The following DPH6 variants were observed in gnomAD, a reference collection of about 807,000 sequenced individuals.
DPH6 encodes the protein diphthamine biosynthesis 6, also known as diphthine--ammonia ligase.
DPH6 carries 33 observed loss-of-function variants against 38.2 expected under a neutral mutation model. The ratio of observed to expected loss-of-function variants is 0.86; its 90% CI spans 0.65 to 1.15. DPH6 has a LOEUF of 1.15. DPH6 is among the 50% of genes most tolerant of loss of function. DPH6 has a pLI of 0.00. For missense variants in DPH6, 325 were observed against 320.0 expected, an observed-to-expected ratio of 1.02 and a Z score of -0.12; for synonymous variants, 108 against 103.0, an observed-to-expected ratio of 1.05 and a Z score of -0.30.
chr15:35,422,526 A>G (rs570881589), intron 5 of DPH6, among the ~76,000 whole-genome samples: 3 of 152,094 alleles, frequency 2.0e-5, no homozygotes, highest in African/African-American at 7.2e-5. Flanking sequence ...CAATCAAGCA[A>G]ATTAACATAC....
intron 3 of DPH6, among the ~76,000 whole-genome samples, chr15:35,477,599 T>C (rs1156718031): frequency 1.4e-4 from 22 of 151,814 alleles, no homozygotes; most frequent in Admixed American, 1.4e-3. Flanking sequence ...CAGTACCCAG[T>C]GATTTCATTC....
chr15:35,355,084 T>A (rs1422268914), intron 3 of DPH6, among the ~76,000 whole-genome samples: 1 of 152,222 alleles, frequency 6.6e-6, no homozygotes, highest in Non-Finnish European at 1.5e-5. Context: ...TAAAGTCTGT[T>A]TTATCATAGA....
At chr15:35,413,775 T>C (rs2053400333) in intron 5 of DPH6, among the ~76,000 whole-genome samples, 2 of 151,702 alleles carry the variant, frequency 1.3e-5, no homozygotes. Flanking sequence ...TGGCTGGACC[T>C]GTTTCTACCA....
intron 6 of DPH6, among the ~76,000 whole-genome samples, chr15:35,385,788 T>C (rs961927123): frequency 2.6e-5 from 4 of 152,184 alleles, no homozygotes; most frequent in African/African-American, 9.7e-5. Flanking sequence ...GCAATATGAT[T>C]TCCTCAAAAA....
chr15:35,223,468 C>T (rs1468675344), intron 3 of DPH6, among the ~76,000 whole-genome samples: 2 of 152,106 alleles, frequency 1.3e-5, no homozygotes, highest in Non-Finnish European at 2.9e-5. Flanking sequence ...TGGTGGATCA[C>T]GAGGTCAGGA....
chr15:35,410,702 T>C lies in DPH6; in HGVS notation c.567+133A>G, dbSNP rs1595539824. 3 of 700,196 alleles carry C rather than the reference T, an allele frequency of 4.3e-6. No individual in the cohort carries two copies. The East Asian group carries it at 1.0e-4, about 24-fold the overall frequency. The allele number at this position is 700,196 out of a possible 1,614,324, so 43.4% of individuals were successfully genotyped here. ...ATTTTCATTTCCATTTGAAGTTTAATTTTTTCATAAATATATTATGAATGT... is the reference window on the plus strand; with the variant it reads ...ATTTTCATTTCCATTTGAAGTTTAACTTTTTCATAAATATATTATGAATGT... On this transcript the variant is annotated intron_variant, in intron 6 of 8. Coordinates refer to ENST00000256538, the MANE Select transcript of DPH6 (RefSeq NM_080650.4).
chr15:35,151,590 C>T, the DPH6 span, among the ~76,000 whole-genome samples: 2 of 152,220 alleles, frequency 1.3e-5, no homozygotes, highest in African/African-American at 2.4e-5. Flanking sequence ...CACATCCCAG[C>T]GACGTGCACT....
intron 3 of DPH6, among the ~76,000 whole-genome samples, chr15:35,238,608 T>C (rs1030060608): frequency 1.5e-4 from 23 of 152,232 alleles, no homozygotes; most frequent in Admixed American, 1.3e-4. Context: ...ATGTTGCCTA[T>C]GCAATTCCGT....
chr15:35,305,835 G>A (rs1160197258), intron 3 of DPH6, among the ~76,000 whole-genome samples: 1 of 152,100 alleles, frequency 6.6e-6, no homozygotes, highest in African/African-American at 2.4e-5. Context: ...GACCTCAAGG[G>A]TCAAAAAGCT....
At chr15:35,447,952 TA>T (rs1379067732) in intron 5 of DPH6, among the ~76,000 whole-genome samples, 1 of 152,240 alleles carries the variant, frequency 6.6e-6, no homozygotes, top group Non-Finnish European at 1.5e-5. Flanking sequence ...CACCATCATT[TA>T]ACTGAACAAA....
downstream of DPH6, among the ~76,000 whole-genome samples, chr15:35,328,410 G>C (rs2052302112): frequency 6.6e-6 from 1 of 151,782 alleles, no homozygotes; most frequent in Non-Finnish European, 1.5e-5. Flanking sequence ...TATTTTCCCT[G>C]CTAGACTCTA....
chr15:35,373,811 C>A (rs2140925037), intron 7 of DPH6, among the ~76,000 whole-genome samples: 1 of 152,018 alleles, frequency 6.6e-6, no homozygotes, highest in African/African-American at 2.4e-5. Flanking sequence ...TAAGAAAAAA[C>A]AATGAGGCTT....
intron 3 of DPH6, among the ~76,000 whole-genome samples, chr15:35,470,577 A>G (rs2054186241): frequency 1.3e-5 from 2 of 152,200 alleles, no homozygotes; most frequent in African/African-American, 4.8e-5. Context: ...GAGAAAGGTA[A>G]CACGTTTGCT....
At chr15:35,461,698 G>T (rs954557655) in intron 3 of DPH6, among the ~76,000 whole-genome samples, 1 of 151,876 alleles carries the variant, frequency 6.6e-6, no homozygotes, top group African/African-American at 2.4e-5. Context: ...ATGAAGGAAG[G>T]GGGTACGGAC....
chr15:35,227,415 C>G (rs1404670259), intron 3 of DPH6, among the ~76,000 whole-genome samples: 1 of 151,826 alleles, frequency 6.6e-6, no homozygotes, highest in African/African-American at 2.4e-5. Flanking sequence ...AACCTCCTGA[C>G]CTCATGATCC....
chr15:35,358,329 C>A (rs1315719055), intron 3 of DPH6, among the ~76,000 whole-genome samples: 1 of 152,108 alleles, frequency 6.6e-6, no homozygotes, highest in East Asian at 1.9e-4. Flanking sequence ...TTGCCTTTCT[C>A]TGGTCCCTCT....
intron 7 of DPH6, among the ~76,000 whole-genome samples, chr15:35,375,556 C>T (rs1015768758): frequency 2.6e-5 from 4 of 152,086 alleles, no homozygotes; most frequent in African/African-American, 9.7e-5. Context: ...CAGATTAATC[C>T]AGAAAACTAA....
intron 2 of DPH6, among the ~76,000 whole-genome samples, chr15:35,540,928 C>T (rs772484683): frequency 6.6e-6 from 1 of 152,178 alleles, no homozygotes; most frequent in South Asian, 2.1e-4. Flanking sequence ...TTGAAAGTCC[C>T]AGTTGCCTCC....
chr15:35,213,883 C>A (rs368852564), downstream of DPH6, among the ~76,000 whole-genome samples: 2 of 152,266 alleles, frequency 1.3e-5, no homozygotes, highest in East Asian at 1.9e-4. Flanking sequence ...GAGGCCGAGG[C>A]GGGTGGATCA....
Sources: allele counts gnomAD v4.1 joint callset (sites outside exome capture counted in the v4.1 genomes callset), GRCh38; gene constraint gnomAD v4.1.1; transcripts MANE v1.5; gene names NCBI Gene and HGNC (gene_info 2026-07-23, HGNC 2026-07-21).